KAT7: variants seen among roughly 807,000 people sequenced by gnomAD.
KAT7 encodes the protein lysine acetyltransferase 7.
Under a neutral mutation model 82.1 loss-of-function variants are expected in KAT7, and 10 were observed. The ratio of observed to expected loss-of-function variants is 0.12; its 90% CI spans 0.08 to 0.21. The LOEUF is 0.21. Among genes scored for constraint, KAT7 ranks in the 10% least tolerant of loss-of-function variants. KAT7 has a pLI of 1.00. For missense variants in KAT7, 378 were observed against 760.9 expected (o/e 0.50, Z 5.92); for synonymous variants, 250 against 262.5 (o/e 0.95, Z 0.46).
At chr17:49,791,040 A>G (rs1263588265) in intron 1 of KAT7, among the ~76,000 whole-genome samples, 2 of 152,246 alleles carry the variant, frequency 1.3e-5, no homozygotes, top group Admixed American at 6.5e-5. Flanking sequence ...TTGAATACCC[A>G]TGAGTCTTCA....
At chr17:49,789,390 A>C (rs2073854254) in intron 1 of KAT7, 1 of 152,526 alleles carries the variant, frequency 6.6e-6, no homozygotes, top group Admixed American at 6.5e-5. Flanking sequence ...GGCACAACAA[A>C]GCAGAAGACT....
intron 12 of KAT7, chr17:49,823,581 T>C (rs1214212203): frequency 6.8e-6 from 2 of 293,980 alleles, no homozygotes; most frequent in Admixed American, 4.8e-5. Flanking sequence ...AGCACATACA[T>C]GCATGAGGCT....
At chr17:49,806,494 C>T (rs2074093412) in intron 5 of KAT7, among the ~76,000 whole-genome samples, 1 of 152,042 alleles carries the variant, frequency 6.6e-6, no homozygotes, top group Non-Finnish European at 1.5e-5. Flanking sequence ...ATTGTCCTCC[C>T]ATTATTCTGG....
At chr17:49,826,229 A>G in intron 13 of KAT7, 83 bp downstream of exon 13, 27 of 1,387,826 alleles carry the variant, frequency 1.9e-5, no homozygotes, top group Non-Finnish European at 2.6e-5. Context: ...TGAATGTGAG[A>G]ACGGAAGGCC....
intron 5 of KAT7, 113 bp from the exon 6 acceptor site, chr17:49,809,006 C>A: frequency 1.4e-6 from 1 of 739,758 alleles, no homozygotes; most frequent in Non-Finnish European, 2.3e-6. Context: ...GTGTGAAGAC[C>A]CTTTGAAAGT....
intron 1 of KAT7, among the ~76,000 whole-genome samples, chr17:49,790,953 TAAGA>T (rs971056429): frequency 6.6e-6 from 1 of 152,218 alleles, no homozygotes; most frequent in Non-Finnish European, 1.5e-5. Context: ...TCTTTATGGC[TAAGA>T]AAGAACTCCT....
intron 7 of KAT7, among the ~76,000 whole-genome samples, chr17:49,813,133 C>G (rs762992333): frequency 8.6e-4 from 131 of 151,522 alleles, no homozygotes; most frequent in Non-Finnish European, 1.0e-3. Context: ...ATCCTGTCAC[C>G]CAAGTAGTGA....
At chr17:49,815,761 A>G (rs1425851166) in intron 7 of KAT7, 42 bp from the exon 8 acceptor site, 2 of 1,174,632 alleles carry the variant, frequency 1.7e-6, no homozygotes, top group Non-Finnish European at 2.6e-6. Flanking sequence ...AGTTCTTAGA[A>G]GCAGAGAGTA....
At chr17:49,820,135 G>A (rs541446338) in intron 9 of KAT7, among the ~76,000 whole-genome samples, 13 of 152,236 alleles carry the variant, frequency 8.5e-5, no homozygotes, top group African/African-American at 2.6e-4. Context: ...GGCGCCATGC[G>A]CCTATAATCT....
At chr17:49,815,757 T>C in intron 7 of KAT7, 46 bp from the exon 8 acceptor site, 1 of 1,157,040 alleles carries the variant, frequency 8.6e-7, no homozygotes, top group Admixed American at 1.7e-5. Flanking sequence ...AAAAAGTTCT[T>C]AGAAGCAGAG....
Position 49,827,559 on chromosome 17 carries a change from ATCTG to A in KAT7, c.*64_*67del. 1.0e-6 allele frequency: 1 copy of A among 990,680 alleles called. No homozygotes were observed. Among genetic ancestry groups the A allele is most frequent in the African/African-American group, 1.6e-5 (1 of 63,000 alleles). 61.4% of individuals were successfully genotyped at this position (990,680 alleles called of 1,614,324 possible). On this transcript the variant is annotated 3_prime_UTR_variant, in exon 15 of 15. Transcript: ENST00000259021. Reference sequence around the variant, plus strand: ...AGCAGTAGGAATCCGTACCCTAGGGATCTGTCTGTCATTTCTCTGTTGCTCTTGT... The same window carrying A: ...AGCAGTAGGAATCCGTACCCTAGGGATCTGTCATTTCTCTGTTGCTCTTGT...
In KAT7 at chr17:49,830,938, A is replaced by C. The variant is rs533455621; in HGVS notation, c.*3436A>C. On this transcript the variant is annotated 3_prime_UTR_variant, in exon 15 of 15. Transcript: ENST00000259021. ...GGATTTTCTTTTTATATTTTTTCTTATTATTTTTTAATTATTAACCAAATT... is the reference window on the plus strand; with the variant it reads ...GGATTTTCTTTTTATATTTTTTCTTCTTATTTTTTAATTATTAACCAAATT... The C allele has an allele frequency of 6.6e-6, 1 of 151,736 alleles. No homozygotes were observed. Among genetic ancestry groups the C allele is most frequent in the East Asian group, 1.9e-4 (1 of 5,186 alleles). 9.4% of individuals were successfully genotyped at this position (151,736 alleles called of 1,614,324 possible). A position where few individuals can be genotyped will look rare whatever the true frequency, so the allele number is the denominator to read the frequency against.
chr17:49,815,007 AG>A (rs2074216350), intron 7 of KAT7: 1 of 152,216 alleles, frequency 6.6e-6, no homozygotes, highest in Non-Finnish European at 1.5e-5. Flanking sequence ...CTGAAATCAA[AG>A]GCTTAAAAGG....
At chr17:49,794,105 C>T (rs1332899381) in intron 2 of KAT7, among the ~76,000 whole-genome samples, 2 of 152,078 alleles carry the variant, frequency 1.3e-5, no homozygotes, top group African/African-American at 4.8e-5. Flanking sequence ...GTACTAGGAA[C>T]CATGATAGAA....
In KAT7 at chr17:49,834,663, C is replaced by G; in HGVS notation, c.*7161C>G. On this transcript the variant is annotated 3_prime_UTR_variant, in exon 15 of 15. Transcript: ENST00000259021. ...CTTGTGTTTACTGAGAAAGCCTCCACTTCAACGTTCCATGAAGTGTGTTCC... is the reference window on the plus strand; with the variant it reads ...CTTGTGTTTACTGAGAAAGCCTCCAGTTCAACGTTCCATGAAGTGTGTTCC... The G allele has an allele frequency of 6.6e-6, 1 of 152,350 alleles. No homozygotes were observed. Among genetic ancestry groups the G allele is most frequent in the Non-Finnish European group, 1.5e-5 (1 of 68,042 alleles). The allele number at this position is 152,350 out of a possible 1,614,324, so 9.4% of individuals were successfully genotyped here. A position where few individuals can be genotyped will look rare whatever the true frequency, so the allele number is the denominator to read the frequency against.
chr17:49,798,727 C>T (rs1329429931), intron 4 of KAT7, among the ~76,000 whole-genome samples, 169 bp downstream of exon 4: 1 of 152,084 alleles, frequency 6.6e-6, no homozygotes, highest in Non-Finnish European at 1.5e-5. Flanking sequence ...TCTTCTTGGC[C>T]GATGGTCCAT....
chr17:49,826,979 G>A (rs2143999427), intron 14 of KAT7, 180 bp downstream of exon 14: 1 of 507,416 alleles, frequency 2.0e-6, no homozygotes, highest in Non-Finnish European at 3.6e-6. Context: ...TTATCAGAAG[G>A]TTTTGATAAG....
rs1247444068 is a variant in KAT7 at position 49,833,491 on chromosome 17, G to A, written c.*5989G>A. 1 of 152,202 alleles carries A rather than the reference G, an allele frequency of 6.6e-6. No individual in the cohort carries two copies. The highest frequency in any genetic ancestry group is 1.5e-5 in the Non-Finnish European group (1 of 68,046). The allele number at this position is 152,202 out of a possible 1,614,324, so 9.4% of individuals were successfully genotyped here. On this transcript the variant is annotated 3_prime_UTR_variant, in exon 15 of 15. Transcript: ENST00000259021. ...AATAAGGTCTATTTTTTTCTACAGT[G>A]AGGGCTGAACTTGTGACTTGTTTTG...
At chr17:49,798,806 G>T (rs1484929498) in intron 4 of KAT7, among the ~76,000 whole-genome samples, 2 of 152,148 alleles carry the variant, frequency 1.3e-5, no homozygotes, top group Non-Finnish European at 2.9e-5. Context: ...GCTTTTCCCA[G>T]TGAAAAATTC....
Sources: gnomAD v4.1 joint callset for allele counts (sites outside exome capture counted in the v4.1 genomes callset) on GRCh38, gnomAD v4.1.1 for gene constraint, MANE v1.5 for transcripts, NCBI Gene and HGNC (gene_info 2026-07-23, HGNC 2026-07-21) for gene names.